The following IGF1R variants were observed in gnomAD, a reference collection of about 807,000 sequenced individuals.
IGF1R encodes the protein insulin-like growth factor 1 receptor.
IGF1R carries 44 observed loss-of-function variants against 144.6 expected under a neutral mutation model. The ratio of observed to expected loss-of-function variants is 0.30; its 90% CI spans 0.24 to 0.39. IGF1R has a LOEUF of 0.39. IGF1R is among the 10% of genes least tolerant of loss of function. The probability of loss-of-function intolerance (pLI) is 1.00; values close to 1 mark genes in which losing one functional copy is unlikely to be tolerated. For missense variants in IGF1R, 1,355 were observed against 1,833.7 expected, an observed-to-expected ratio of 0.74 and a Z score of 4.77; for synonymous variants, 795 against 722.8, an observed-to-expected ratio of 1.10 and a Z score of -1.60.
chr15:98,826,902 C>G (rs1596335901), intron 2 of IGF1R, among the ~76,000 whole-genome samples: 1 of 152,342 alleles, frequency 6.6e-6, no homozygotes, highest in East Asian at 1.9e-4. Context: ...AGTTTGCTCT[C>G]TGTGACGTGT....
chr15:98,761,301 G>C (rs1192072328), intron 2 of IGF1R, among the ~76,000 whole-genome samples: 1 of 152,222 alleles, frequency 6.6e-6, no homozygotes, highest in Non-Finnish European at 1.5e-5. Flanking sequence ...TCAAGCTTTT[G>C]CTGAGTCCTA....
At chr15:98,750,054 G>T (rs527577259) in intron 2 of IGF1R, among the ~76,000 whole-genome samples, 1 of 152,226 alleles carries the variant, frequency 6.6e-6, no homozygotes, top group East Asian at 1.9e-4. Context: ...AGAGGGAATT[G>T]CATATAGCAA....
chr15:98,869,452 T>C (rs796925961), intron 2 of IGF1R, among the ~76,000 whole-genome samples: 10 of 151,156 alleles, frequency 6.6e-5, no homozygotes, highest in African/African-American at 2.2e-4. Flanking sequence ...TTTTTTTTTT[T>C]AGACGGCGTT....
intron 2 of IGF1R, among the ~76,000 whole-genome samples, chr15:98,754,173 A>C (rs2055090736): frequency 6.6e-6 from 1 of 152,162 alleles, no homozygotes; most frequent in Non-Finnish European, 1.5e-5. Context: ...CAGGTCTCCA[A>C]GTTTTCCCTT....
chr15:98,911,311 C>G lies in IGF1R; in HGVS notation c.1463-4C>G. The G allele has an allele frequency of 6.2e-7, 1 of 1,614,088 alleles. No homozygotes were observed. Among genetic ancestry groups the G allele is most frequent in the Non-Finnish European group, 8.5e-7 (1 of 1,179,998 alleles). On this transcript the variant is annotated splice_region_variant and splice_polypyrimidine_tract_variant and intron_variant, in intron 6 of 20. Coordinates refer to ENST00000650285, the MANE Select transcript of IGF1R (RefSeq NM_000875.5). The stretch of plus-strand genomic sequence containing the variant: ...GTCACTCACGGATGTACTCTTTGCC[C>G]CAGGTGAAAGTGACGTCCTGCATTT...
chr15:98,662,146 A>G (rs1017589720), intron 1 of IGF1R, among the ~76,000 whole-genome samples: 2 of 143,084 alleles, frequency 1.4e-5, no homozygotes, highest in African/African-American at 2.6e-5. Context: ...CGCCTGGCTA[A>G]TTTTTTTTTT....
intron 2 of IGF1R, among the ~76,000 whole-genome samples, chr15:98,719,458 C>A (rs2054196381): frequency 6.6e-6 from 1 of 152,088 alleles, no homozygotes; most frequent in Non-Finnish European, 1.5e-5. Flanking sequence ...TTCTTGTTTG[C>A]TGAGGGGGGA....
intron 2 of IGF1R, among the ~76,000 whole-genome samples, chr15:98,798,584 G>A (rs2056297753): frequency 6.6e-6 from 1 of 152,176 alleles, no homozygotes; most frequent in Non-Finnish European, 1.5e-5. Context: ...GACCAGGATG[G>A]TGGAGATGGT....
At chr15:98,790,900 G>A (rs1416654707) in intron 2 of IGF1R, among the ~76,000 whole-genome samples, 1 of 152,144 alleles carries the variant, frequency 6.6e-6, no homozygotes, top group African/African-American at 2.4e-5. Flanking sequence ...CTAAAACAAA[G>A]CAGAAAGTGA....
At chr15:98,745,504 A>G (rs991940611) in intron 2 of IGF1R, among the ~76,000 whole-genome samples, 9 of 152,238 alleles carry the variant, frequency 5.9e-5, no homozygotes, top group Non-Finnish European at 1.3e-4. Context: ...CTTGCCTCTC[A>G]CTTGAAATAA....
chr15:98,665,834 G>T (rs1369932453), intron 1 of IGF1R, among the ~76,000 whole-genome samples: 2 of 152,214 alleles, frequency 1.3e-5, no homozygotes, highest in African/African-American at 4.8e-5. Flanking sequence ...CTGCTCTCTT[G>T]CTCTGCTCCC....
At chr15:98,783,206 A>G (rs574604763) in intron 2 of IGF1R, among the ~76,000 whole-genome samples, 8 of 152,348 alleles carry the variant, frequency 5.3e-5, no homozygotes, top group East Asian at 3.9e-4. Flanking sequence ...TTTTCCTCCA[A>G]TAGTAACATT....
intron 2 of IGF1R, among the ~76,000 whole-genome samples, chr15:98,851,523 C>T (rs2011527925): frequency 1.3e-5 from 2 of 152,190 alleles, no homozygotes; most frequent in Non-Finnish European, 2.9e-5. Flanking sequence ...TCCATCAGTA[C>T]CCCGGGGCCT....
At chr15:98,756,114 TA>T (rs981352860) in intron 2 of IGF1R, among the ~76,000 whole-genome samples, 27 of 152,294 alleles carry the variant, frequency 1.8e-4, no homozygotes, top group African/African-American at 6.5e-4. Flanking sequence ...GCCCTACAGA[TA>T]GGGGTCTTTA....
chr15:98,881,201 T>A lies in IGF1R; in HGVS notation c.641-10124T>A, dbSNP rs138662552. 2.5e-3 allele frequency among the ~76,000 whole-genome samples: 385 copies of A among 152,352 alleles called. 2 individuals carry two copies. Among genetic ancestry groups the A allele is most frequent in the African/African-American group, 8.9e-3 (372 of 41,582 alleles). On this transcript the variant is annotated intron_variant, in intron 2 of 20. Coordinates refer to ENST00000650285, the MANE Select transcript of IGF1R (RefSeq NM_000875.5). Reference sequence around the variant, plus strand: ...TCCTTCAGTCTAAGTGATACACCTCTTAGTGTGGCGGAGAAAAGGGTGCTG... The same window carrying A: ...TCCTTCAGTCTAAGTGATACACCTCATAGTGTGGCGGAGAAAAGGGTGCTG...
At chr15:98,712,280 A>T (rs2054010336) in intron 2 of IGF1R, among the ~76,000 whole-genome samples, 1 of 152,164 alleles carries the variant, frequency 6.6e-6, no homozygotes, top group Non-Finnish European at 1.5e-5. Flanking sequence ...TTTTGAACCC[A>T]GGACTTGTCA....
chr15:98,844,811 TAA>T (rs964145530), intron 2 of IGF1R, among the ~76,000 whole-genome samples: 1 of 152,204 alleles, frequency 6.6e-6, no homozygotes, highest in Non-Finnish European at 1.5e-5. Context: ...ATTTCTTCCC[TAA>T]GATTCATTTA....
At chr15:98,795,539 C>T (rs958094655) in intron 2 of IGF1R, among the ~76,000 whole-genome samples, 8 of 152,116 alleles carry the variant, frequency 5.3e-5, no homozygotes, top group African/African-American at 1.2e-4. Flanking sequence ...CTCAGCCTCC[C>T]GAGCAGCTGG....
At chr15:98,784,259 A>G (rs950764052) in intron 2 of IGF1R, among the ~76,000 whole-genome samples, 2 of 152,002 alleles carry the variant, frequency 1.3e-5, no homozygotes, top group Non-Finnish European at 2.9e-5. Flanking sequence ...TTAAGTATAA[A>G]AAGTCTTTTT....
Sources: gnomAD v4.1 joint callset for allele counts (sites outside exome capture counted in the v4.1 genomes callset) on GRCh38, gnomAD v4.1.1 for gene constraint, MANE v1.5 for transcripts, NCBI Gene and HGNC (gene_info 2026-07-23, HGNC 2026-07-21) for gene names.